Variants in VAT1L observed in about 807,000 individuals in gnomAD.
VAT1L encodes the protein putative NADPH-dependent quinone oxidoreductase VAT1L.
VAT1L carries 34 observed loss-of-function variants against 44.1 expected under a neutral mutation model. The ratio of observed to expected loss-of-function variants is 0.77; its 90% CI spans 0.59 to 1.03. The LOEUF is 1.03. VAT1L is among the 50% of genes least tolerant of loss of function. The probability of loss-of-function intolerance (pLI) is 0.00; values close to 1 mark genes in which losing one functional copy is unlikely to be tolerated. For missense variants in VAT1L, 615 were observed against 538.8 expected, an observed-to-expected ratio of 1.14 and a Z score of -1.40; for synonymous variants, 253 against 202.2, an observed-to-expected ratio of 1.25 and a Z score of -2.13.
At chr16:77,962,606 G>C (rs1011799732) in intron 7 of VAT1L, among the ~76,000 whole-genome samples, 6 of 152,030 alleles carry the variant, frequency 3.9e-5, no homozygotes, top group African/African-American at 1.4e-4. Flanking sequence ...AAATAGGCCG[G>C]GAGCAGTGGC....
At chr16:77,883,276 G>A (rs758214786) in intron 6 of VAT1L, among the ~76,000 whole-genome samples, 4 of 152,050 alleles carry the variant, frequency 2.6e-5, no homozygotes, top group Non-Finnish European at 4.4e-5. Flanking sequence ...CTGGACGCTT[G>A]GATTTCTAAC....
At chr16:77,830,285 C>A (rs561985284) in intron 3 of VAT1L, among the ~76,000 whole-genome samples, 41 of 152,312 alleles carry the variant, frequency 2.7e-4, no homozygotes, top group Middle Eastern at 3.4e-3. Flanking sequence ...AAATGGTATT[C>A]TCTCCCAATT....
chr16:77,928,566 T>C (rs1006265965), intron 7 of VAT1L, among the ~76,000 whole-genome samples: 3 of 152,182 alleles, frequency 2.0e-5, no homozygotes, highest in African/African-American at 7.2e-5. Context: ...AACCAACATT[T>C]CCTCTTAAAT....
chr16:77,932,135 G>A lies in VAT1L; in HGVS notation c.1078-39715G>A, dbSNP rs372240622. On this transcript the variant is annotated intron_variant, in intron 7 of 8. Coordinates refer to ENST00000302536, the MANE Select transcript of VAT1L (RefSeq NM_020927.3). ...TTTTTTTTTTTTGAGATGGAGTCTC[G>A]TTCTGTCACCCAGGCTGGAGTACAG... 4.7e-4 allele frequency among the ~76,000 whole-genome samples: 61 copies of A among 130,386 alleles called. 1 individual carries two copies. The highest frequency in any genetic ancestry group is 7.0e-4 in the South Asian group (3 of 4,262). The allele number at this position is 130,386 out of a possible 152,430, so 85.5% of individuals were successfully genotyped here. A position where few individuals can be genotyped will look rare whatever the true frequency, so the allele number is the denominator to read the frequency against.
chr16:77,970,686 A>C (rs1167782028), intron 7 of VAT1L, among the ~76,000 whole-genome samples: 2 of 152,216 alleles, frequency 1.3e-5, no homozygotes, highest in African/African-American at 2.4e-5. Flanking sequence ...TCTTTTGTGT[A>C]ATAAGTTTTT....
At chr16:77,945,277 A>AATTTTTTTTTTTTTT (rs1567517602) in intron 7 of VAT1L, among the ~76,000 whole-genome samples, 1 of 9,284 alleles carries the variant, frequency 1.1e-4, no homozygotes, top group Non-Finnish European at 3.2e-4. Flanking sequence ...AGATTGCAGA[A>AATTTTTTTTTTTTTT]CTTTTTTTTT....
intron 7 of VAT1L, among the ~76,000 whole-genome samples, chr16:77,893,924 G>A (rs1306417613): frequency 6.6e-6 from 1 of 152,148 alleles, no homozygotes; most frequent in Non-Finnish European, 1.5e-5. Context: ...TATGTGCCAA[G>A]TACCTTGCAT....
chr16:77,811,444 T>C (rs77001564), intron 1 of VAT1L, among the ~76,000 whole-genome samples: 1,885 of 152,272 alleles, frequency 0.012, 36 homozygotes, highest in African/African-American at 0.043. Flanking sequence ...CGATAAGCTT[T>C]GGGGACAAGA....
intron 3 of VAT1L, among the ~76,000 whole-genome samples, chr16:77,861,510 A>G (rs1387302744): frequency 1.3e-5 from 2 of 152,250 alleles, no homozygotes; most frequent in Non-Finnish European, 2.9e-5. Flanking sequence ...CATCTCGGCA[A>G]TGGATATAAT....
intron 7 of VAT1L, among the ~76,000 whole-genome samples, chr16:77,956,129 C>T (rs2018101033): frequency 6.6e-6 from 1 of 152,126 alleles, no homozygotes; most frequent in Non-Finnish European, 1.5e-5. Context: ...ATGGATACTG[C>T]ATTCTCCATG....
intron 7 of VAT1L, among the ~76,000 whole-genome samples, chr16:77,919,498 G>C (rs1008973930): frequency 6.6e-5 from 10 of 152,206 alleles, no homozygotes; most frequent in African/African-American, 2.4e-4. Flanking sequence ...CTGCTTAAGA[G>C]AGCTGGGGTA....
chr16:77,941,467 G>A (rs1387239872), intron 7 of VAT1L, among the ~76,000 whole-genome samples: 2 of 152,158 alleles, frequency 1.3e-5, no homozygotes, highest in Non-Finnish European at 2.9e-5. Flanking sequence ...CTATCAACCA[G>A]ACAATGAACA....
chr16:77,837,387 A>G (rs1423650335), intron 3 of VAT1L, among the ~76,000 whole-genome samples: 2 of 152,134 alleles, frequency 1.3e-5, no homozygotes, highest in Non-Finnish European at 2.9e-5. Context: ...TGTGTCCATA[A>G]ATTAAACTTC....
At chr16:77,878,481 C>G (rs1045311597) in intron 5 of VAT1L, among the ~76,000 whole-genome samples, 15 of 151,474 alleles carry the variant, frequency 9.9e-5, no homozygotes, top group African/African-American at 3.4e-4. Context: ...TGCCCCGAAA[C>G]CTTATAAAGG....
chr16:77,894,031 T>C (rs1481257619), intron 7 of VAT1L, among the ~76,000 whole-genome samples: 1 of 152,176 alleles, frequency 6.6e-6, no homozygotes, highest in African/African-American at 2.4e-5. Flanking sequence ...CAGAGAGGAA[T>C]ACGTTGCCCA....
intron 7 of VAT1L, among the ~76,000 whole-genome samples, chr16:77,915,071 G>A (rs1339180062): frequency 1.3e-5 from 2 of 152,092 alleles, no homozygotes; most frequent in African/African-American, 4.8e-5. Context: ...GTTGCGGTGA[G>A]CCGAGATTGT....
chr16:77,920,080 A>G (rs1467189055), intron 7 of VAT1L, among the ~76,000 whole-genome samples: 2 of 151,988 alleles, frequency 1.3e-5, no homozygotes, highest in Non-Finnish European at 2.9e-5. Flanking sequence ...ACTCTGTCCA[A>G]AAAAAAATAA....
At chr16:77,795,303 T>A (rs2015909968) in intron 1 of VAT1L, among the ~76,000 whole-genome samples, 1 of 151,126 alleles carries the variant, frequency 6.6e-6, no homozygotes, top group Admixed American at 6.6e-5. Context: ...GATTGAGAAA[T>A]TAAGATTTGT....
At chr16:77,846,895 T>C (rs1335618867) in intron 3 of VAT1L, among the ~76,000 whole-genome samples, 1 of 152,168 alleles carries the variant, frequency 6.6e-6, no homozygotes, top group Non-Finnish European at 1.5e-5. Flanking sequence ...TTATTGATAA[T>C]ACATATTAGA....
Sources: gnomAD v4.1 joint callset for allele counts (sites outside exome capture counted in the v4.1 genomes callset) on GRCh38, gnomAD v4.1.1 for gene constraint, MANE v1.5 for transcripts, NCBI Gene and HGNC (gene_info 2026-07-23, HGNC 2026-07-21) for gene names.